Variants in ENPP3 observed in about 807,000 individuals in gnomAD.
The protein encoded by ENPP3 is ectonucleotide pyrophosphatase/phosphodiesterase family member 3.
ENPP3 carries 104 observed loss-of-function variants against 117.8 expected under a neutral mutation model. The observed-to-expected ratio is 0.88, with a 90% confidence interval of 0.75 to 1.04. The LOEUF (loss-of-function observed/expected upper bound fraction) is 1.04, where lower values mean the gene tolerates loss of function less well. Ranked by LOEUF, ENPP3 falls within the 50% of genes least tolerant of loss-of-function variation. The pLI is 0.00. For missense variants in ENPP3, 1,026 were observed against 1,051.9 expected (o/e 0.98, Z 0.34); for synonymous variants, 380 against 349.9 (o/e 1.09, Z -0.96).
chr6:131,685,828 G>A (rs780943379), intron 13 of ENPP3, 48 bp from the exon 14 acceptor site: 10 of 769,962 alleles, frequency 1.3e-5, no homozygotes, highest in Non-Finnish European at 2.3e-5. Flanking sequence ...CTTTGCATTT[G>A]TTCGTTATCA....
chr6:131,679,066 TTTC>T (rs1476848190), intron 11 of ENPP3, among the ~76,000 whole-genome samples: 266 of 135,052 alleles, frequency 2.0e-3, no homozygotes, highest in Non-Finnish European at 3.2e-3. Context: ...TCTTTCTTTC[TTTC>T]TTTCTTTCTT....
intron 7 of ENPP3, among the ~76,000 whole-genome samples, chr6:131,671,933 C>T (rs928555973): frequency 4.6e-5 from 7 of 152,234 alleles, no homozygotes; most frequent in African/African-American, 1.7e-4. Context: ...TCGGCTGCCT[C>T]AAAGGATATT....
chr6:131,665,437 C>T lies in ENPP3; in HGVS notation c.563-5811C>T, dbSNP rs145146395. Among the ~76,000 whole-genome samples, 69 of 152,084 alleles carry T rather than the reference C, an allele frequency of 4.5e-4. No homozygotes were observed. The East Asian group carries it at 0.012, about 26-fold the overall frequency. On this transcript the variant is annotated intron_variant, in intron 6 of 24. Coordinates refer to ENST00000357639, the MANE Select transcript of ENPP3 (RefSeq NM_005021.5). ...TCTCCTTACTGTTTATAGATTTATTCGGACTTTCTATTTATTTAAGATTCA... is the reference window on the plus strand; with the variant it reads ...TCTCCTTACTGTTTATAGATTTATTTGGACTTTCTATTTATTTAAGATTCA...
rs772456589 is a variant in ENPP3, at chr6:131,685,900, A to T, written c.1277A>T (p.Asn426Ile). The part of the protein sequence containing the change: ...FSFNSEEIVR[N>I]LSCRKPDQHF... ...GTTAATTCTGAGGAAATTGTTAGAA[A>T]CCTCAGTGTAAGTATACAATACTCT... The change falls in exon 14 of 25, where the codon AAC (asparagine) becomes ATC (isoleucine). Residue 426 changes from asparagine (N) to isoleucine (I), a missense_variant. Physicochemically the swap from Asn to Ile is moderately radical, Grantham distance 149. Coordinates refer to ENST00000357639, the MANE Select transcript of ENPP3 (RefSeq NM_005021.5). 5.9e-5 allele frequency: 55 copies of T among 937,046 alleles called. No individual in the cohort carries two copies. In the African/African-American group the frequency reaches 8.6e-4, roughly 15 times the overall value. 58.0% of individuals were successfully genotyped at this position (937,046 alleles called of 1,614,324 possible).
At chr6:131,745,229 G>C (rs1462122404) in intron 24 of ENPP3, among the ~76,000 whole-genome samples, 1 of 151,526 alleles carries the variant, frequency 6.6e-6, no homozygotes, top group South Asian at 2.1e-4. Context: ...CTTCTAATTA[G>C]ATTCCCATTG....
chr6:131,729,388 G>T (rs988341318), intron 20 of ENPP3, among the ~76,000 whole-genome samples: 4 of 152,184 alleles, frequency 2.6e-5, no homozygotes, highest in Admixed American at 2.6e-4. Flanking sequence ...AGAAGCATCT[G>T]TAACTTCAAT....
At chr6:131,682,407 T>C (rs1383034436) in intron 11 of ENPP3, among the ~76,000 whole-genome samples, 3 of 152,138 alleles carry the variant, frequency 2.0e-5, no homozygotes, top group African/African-American at 7.2e-5. Context: ...GACAGGAGGA[T>C]TGCTTTAGTC....
chr6:131,656,007 T>C (rs1212004716), intron 5 of ENPP3, among the ~76,000 whole-genome samples: 2 of 152,244 alleles, frequency 1.3e-5, no homozygotes, highest in African/African-American at 4.8e-5. Flanking sequence ...TTTTAGTGGC[T>C]GAAGACATTA....
At chr6:131,663,693 CA>C (rs111357396) in intron 6 of ENPP3, among the ~76,000 whole-genome samples, 20,416 of 124,912 alleles carry the variant, frequency 0.16, 2,614 homozygotes, top group African/African-American at 0.38. Flanking sequence ...GTTCTTGTCT[CA>C]AAAAAAAAAA....
At chr6:131,730,632 C>A (rs1445364794) in intron 20 of ENPP3, among the ~76,000 whole-genome samples, 1 of 152,170 alleles carries the variant, frequency 6.6e-6, no homozygotes, top group African/African-American at 2.4e-5. Flanking sequence ...ATTAGTAAGA[C>A]AGGTCAAGCG....
chr6:131,691,274 C>T (rs961713608), intron 14 of ENPP3, among the ~76,000 whole-genome samples: 1 of 152,064 alleles, frequency 6.6e-6, no homozygotes, highest in African/African-American at 2.4e-5. Flanking sequence ...AGAGACATCA[C>T]TACTATTTAT....
At position 131,676,794 on chromosome 6, in the gene ENPP3, G is replaced by A. The variant is rs1778877688; in HGVS notation, c.931G>A (p.Ala311Thr). The A allele has an allele frequency of 6.2e-7, 1 of 1,607,754 alleles. No homozygotes were observed. The highest frequency in any genetic ancestry group is 1.1e-5 in the South Asian group (1 of 90,928). The part of the protein sequence containing the change: ...TLLKWLDLPK[A>T]ERPRFYTMYF... Reference sequence around the variant, plus strand: ...GTTAAAATGGCTGGACCTGCCCAAAGCTGAAAGGTAATGTCTAGTGTCAGA... The same window carrying A: ...GTTAAAATGGCTGGACCTGCCCAAAACTGAAAGGTAATGTCTAGTGTCAGA... Residue 311 changes from alanine to threonine, a missense_variant, in exon 10 of 25, where the codon GCT becomes ACT. Physicochemically the swap from Ala to Thr is moderately conservative, Grantham distance 58 (BLOSUM62 0). Transcript: ENST00000357639.
At chr6:131,738,252 C>G in intron 23 of ENPP3, 89 bp downstream of exon 23, 1 of 981,876 alleles carries the variant, frequency 1.0e-6, no homozygotes, top group Non-Finnish European at 1.5e-6. Flanking sequence ...TTAAATATTA[C>G]ATAATACATT....
At chr6:131,661,835 C>T (rs1169017547) in intron 6 of ENPP3, among the ~76,000 whole-genome samples, 1 of 152,084 alleles carries the variant, frequency 6.6e-6, no homozygotes, top group East Asian at 1.9e-4. Flanking sequence ...TGTTTTCCCC[C>T]ATTTCATATG....
chr6:131,666,441 C>T (rs1778618702), intron 6 of ENPP3, among the ~76,000 whole-genome samples: 1 of 152,102 alleles, frequency 6.6e-6, no homozygotes, highest in Admixed American at 6.5e-5. Context: ...TTTCTATAAA[C>T]TTTCTGGTTC....
chr6:131,720,947 A>C (rs906303362), intron 17 of ENPP3, among the ~76,000 whole-genome samples: 2 of 152,152 alleles, frequency 1.3e-5, no homozygotes, highest in African/African-American at 2.4e-5. Flanking sequence ...ACTAGATGAT[A>C]ATTTAATTTA....
At chr6:131,695,058 G>A (rs1044752128) in intron 15 of ENPP3, among the ~76,000 whole-genome samples, 4 of 151,792 alleles carry the variant, frequency 2.6e-5, no homozygotes, top group Admixed American at 2.0e-4. Flanking sequence ...CTTTGGGATC[G>A]AAGTTTATTA....
At chr6:131,658,511 G>T in intron 6 of ENPP3, 91 bp downstream of exon 6, 1 of 722,486 alleles carries the variant, frequency 1.4e-6, no homozygotes, top group South Asian at 1.6e-5. Context: ...GACTTTTAAC[G>T]CTGGTGGTTT....
intron 14 of ENPP3, among the ~76,000 whole-genome samples, chr6:131,692,956 A>G (rs1351888300): frequency 1.4e-5 from 2 of 144,962 alleles, no homozygotes; most frequent in African/African-American, 5.0e-5. Flanking sequence ...ATTATACACT[A>G]TATATGATAT....
Sources: gnomAD v4.1 joint callset for allele counts (sites outside exome capture counted in the v4.1 genomes callset) on GRCh38, gnomAD v4.1.1 for gene constraint, MANE v1.5 for transcripts, NCBI Gene and HGNC (gene_info 2026-07-23, HGNC 2026-07-21) for gene names.